Variants in TMCO4 observed in about 807,000 individuals in gnomAD.
TMCO4 encodes the protein transmembrane and coiled-coil domain-containing protein 4.
Under a neutral mutation model 64.7 loss-of-function variants are expected in TMCO4, and 58 were observed. That is an observed-to-expected ratio of 0.90 (90% CI 0.73 to 1.12). The LOEUF (loss-of-function observed/expected upper bound fraction) is 1.12, where lower values mean the gene tolerates loss of function less well. Among genes scored for constraint, TMCO4 ranks in the 50% most tolerant of loss-of-function variants. The pLI is 0.00. For synonymous variants in TMCO4, 325 were observed against 346.1 expected (o/e 0.94, Z 0.68); for missense variants, 780 against 825.9 (o/e 0.94, Z 0.68).
intron 13 of TMCO4, among the ~76,000 whole-genome samples, chr1:19,710,243 A>G (rs2095324301): frequency 6.7e-6 from 1 of 150,350 alleles, no homozygotes; most frequent in African/African-American, 2.4e-5. Context: ...AGTAACTGGG[A>G]CTACAGGTGT....
intron 6 of TMCO4, among the ~76,000 whole-genome samples, chr1:19,761,467 G>A (rs1197094015): frequency 1.3e-5 from 2 of 152,222 alleles, no homozygotes; most frequent in Non-Finnish European, 2.9e-5. Flanking sequence ...AAAGGAGCTG[G>A]TATCCAGAGG....
rs1017026450 is a variant in TMCO4 at position 19,732,089 on chromosome 1, T to C, written c.1264+5283A>G. Among the ~76,000 whole-genome samples the C allele has an allele frequency of 6.6e-6, 1 of 152,202 alleles. No individual in the cohort carries two copies. Among genetic ancestry groups the C allele is most frequent in the Admixed American group, 6.5e-5 (1 of 15,276 alleles). On this transcript the variant is annotated intron_variant, in intron 13 of 15. Coordinates refer to ENST00000294543, the MANE Select transcript of TMCO4 (RefSeq NM_181719.7). This position sits in a 1 kb window ranked among gnomAD's most constrained non-coding sequence, Gnocchi z 4.8. ...ACCCAGCTGCATGGGAGGAGCTGCC[T>C]TCTGTCCCACAGAGAGAGCTGGCTA...
chr1:19,771,731 A>C (rs2042992496), intron 4 of TMCO4, among the ~76,000 whole-genome samples: 1 of 152,146 alleles, frequency 6.6e-6, no homozygotes, highest in Non-Finnish European at 1.5e-5. Context: ...ATCTTGGCTC[A>C]TCCCAACCTC....
chr1:19,718,069 A>G (rs2095364556), intron 13 of TMCO4, among the ~76,000 whole-genome samples: 1 of 152,120 alleles, frequency 6.6e-6, no homozygotes, highest in Non-Finnish European at 1.5e-5. Flanking sequence ...GCAGTGACTC[A>G]TGCCTATAAT....
At chr1:19,690,956 C>T (rs908437489) in intron 15 of TMCO4, among the ~76,000 whole-genome samples, 3 of 150,592 alleles carry the variant, frequency 2.0e-5, no homozygotes, top group Non-Finnish European at 2.9e-5. Flanking sequence ...GCAAGCTCCA[C>T]CTCCTGGGGT....
chr1:19,782,858 A>G (rs2043556592), intron 3 of TMCO4, among the ~76,000 whole-genome samples: 2 of 152,300 alleles, frequency 1.3e-5, no homozygotes, highest in East Asian at 3.9e-4. Flanking sequence ...CTTATTAGAT[A>G]TGGGACCCTA....
At chr1:19,717,664 C>T (rs539282457) in intron 13 of TMCO4, among the ~76,000 whole-genome samples, 3 of 152,282 alleles carry the variant, frequency 2.0e-5, no homozygotes, top group African/African-American at 4.8e-5. Context: ...CTGCGCCCTC[C>T]GGCCTTCTGC....
At chr1:19,752,254 G>A (rs894521019) in intron 7 of TMCO4, among the ~76,000 whole-genome samples, 3 of 151,996 alleles carry the variant, frequency 2.0e-5, no homozygotes, top group African/African-American at 4.8e-5. Flanking sequence ...CACTAAATCC[G>A]AATGACAGCC....
chr1:19,688,519 A>C (rs1032821375), intron 15 of TMCO4, among the ~76,000 whole-genome samples: 1 of 152,186 alleles, frequency 6.6e-6, no homozygotes, highest in African/African-American at 2.4e-5. Context: ...GAGGCTAATA[A>C]AGAGACCTAT....
chr1:19,757,170 G>C (rs984718659), intron 6 of TMCO4, among the ~76,000 whole-genome samples: 11 of 147,974 alleles, frequency 7.4e-5, no homozygotes, highest in Admixed American at 2.7e-4. Flanking sequence ...GGGGGGGGGC[G>C]CCTGTAATTT....
chr1:19,745,527 C>A lies in TMCO4; in HGVS notation c.877+5G>T. On this transcript the variant is annotated splice_donor_5th_base_variant and intron_variant, in intron 10 of 15. Coordinates refer to ENST00000294543, the MANE Select transcript of TMCO4 (RefSeq NM_181719.7). ...CCCTCCACTTCTGGTCCTCCTGGTC[C>A]TCACGGTATTTGCCAGAAGCGAGCC... 6.2e-7 allele frequency: 1 copy of A among 1,614,140 alleles called. No homozygotes were observed. The highest frequency in any genetic ancestry group is 8.5e-7 in the Non-Finnish European group (1 of 1,180,028).
At chr1:19,690,226 G>C (rs2095181428) in intron 15 of TMCO4, among the ~76,000 whole-genome samples, 1 of 152,228 alleles carries the variant, frequency 6.6e-6, no homozygotes, top group South Asian at 2.1e-4. Context: ...AAGAGCTTGG[G>C]ACCCACTGAG....
In TMCO4 at chr1:19,722,505, T is replaced by A. The variant is rs1163223393; in HGVS notation, c.1264+14867A>T. Among the ~76,000 whole-genome samples the A allele has an allele frequency of 2.6e-5, 4 of 152,196 alleles. No homozygotes were observed. In the East Asian group the frequency reaches 7.7e-4, roughly 29 times the overall value. ...GATCTACATTAATAATAAGGAAAACTTGAAGAATGTAGGGGACTTGCACAG... is the reference window on the plus strand; with the variant it reads ...GATCTACATTAATAATAAGGAAAACATGAAGAATGTAGGGGACTTGCACAG... On this transcript the variant is annotated intron_variant, in intron 13 of 15. Transcript: ENST00000294543.
intron 6 of TMCO4, among the ~76,000 whole-genome samples, chr1:19,756,821 A>G (rs1212801578): frequency 6.6e-6 from 1 of 152,154 alleles, no homozygotes; most frequent in East Asian, 1.9e-4. Context: ...GCAAGATCTC[A>G]TCTCAGTAAT....
chr1:19,700,272 C>T (rs1352281362), intron 14 of TMCO4, among the ~76,000 whole-genome samples: 1 of 152,076 alleles, frequency 6.6e-6, no homozygotes, highest in Non-Finnish European at 1.5e-5. Flanking sequence ...GTATAGGCTC[C>T]TGCACGCTGG....
intron 14 of TMCO4, among the ~76,000 whole-genome samples, chr1:19,694,967 G>C (rs1019209862): frequency 6.6e-6 from 1 of 152,218 alleles, no homozygotes; most frequent in African/African-American, 2.4e-5. Flanking sequence ...CTTGTCCAGG[G>C]CTCCCTGGAA....
intron 7 of TMCO4, among the ~76,000 whole-genome samples, chr1:19,749,094 G>A (rs762731551): frequency 1.3e-5 from 2 of 152,212 alleles, no homozygotes; most frequent in Admixed American, 6.5e-5. Context: ...CAGTGGTGTG[G>A]GATGAGGCTG....
intron 3 of TMCO4, among the ~76,000 whole-genome samples, chr1:19,784,999 C>T (rs1028335870): frequency 1.3e-5 from 2 of 152,186 alleles, no homozygotes; most frequent in Non-Finnish European, 1.5e-5. Flanking sequence ...CTGTGCAATC[C>T]GGTTGCTGCC....
chr1:19,726,807 A>G (rs1557519858), intron 13 of TMCO4, among the ~76,000 whole-genome samples: 1 of 152,186 alleles, frequency 6.6e-6, no homozygotes, highest in Non-Finnish European at 1.5e-5. Flanking sequence ...ACAAGCAGGT[A>G]GTAGGGATCT....
Sources: gnomAD v4.1 joint callset for allele counts (sites outside exome capture counted in the v4.1 genomes callset) on GRCh38, gnomAD v4.1.1 for gene constraint, Gnocchi (gnomAD v3.1) non-coding constraint, MANE v1.5 for transcripts, NCBI Gene and HGNC (gene_info 2026-07-23, HGNC 2026-07-21) for gene names.